The following FAM91A1 variants were observed in gnomAD, a reference collection of about 807,000 sequenced individuals.
The protein encoded by FAM91A1 is protein FAM91A1.
Under a neutral mutation model 113.5 loss-of-function variants are expected in FAM91A1, and 41 were observed. The observed-to-expected ratio is 0.36, with a 90% confidence interval of 0.28 to 0.47. The LOEUF (loss-of-function observed/expected upper bound fraction) is 0.47. Among genes scored for constraint, FAM91A1 ranks in the 20% least tolerant of loss-of-function variants. The pLI, the probability that FAM91A1 is intolerant of heterozygous loss-of-function variation, is 1.00. For missense variants in FAM91A1, 696 were observed against 1,001.2 expected (o/e 0.70, Z 4.11); for synonymous variants, 307 against 347.9 (o/e 0.88, Z 1.31).
At chr8:123,774,659 C>T (rs987546040) in intron 2 of FAM91A1, among the ~76,000 whole-genome samples, 2 of 151,804 alleles carry the variant, frequency 1.3e-5, no homozygotes, top group Admixed American at 1.3e-4. Flanking sequence ...GGTAGTCTTT[C>T]ACTCCTGTTT....
chr8:123,806,089 G>T lies in FAM91A1; in HGVS notation c.1892G>T (p.Arg631Leu), dbSNP rs776231887. 3 of 1,589,906 alleles carry T rather than the reference G, an allele frequency of 1.9e-6. No homozygotes were observed. The highest frequency in any genetic ancestry group is 1.3e-5 in the African/African-American group (1 of 74,542). Reference protein sequence around the residue: ...DETELQGEFTRVNMGVHKALQ... With the variant: ...DETELQGEFTLVNMGVHKALQ... ...TCCGTTCTGTTTGTAGAGTTCACTC[G>T]TGTCAATATGGGTGTTCATAAAGCA... The change falls in exon 20 of 24, where the codon CGT (arginine) becomes CTT (leucine). Residue 631 changes from arginine (R) to leucine (L), a missense_variant. Coordinates refer to ENST00000334705, the MANE Select transcript of FAM91A1 (RefSeq NM_144963.4).
intron 3 of FAM91A1, 116 bp downstream of exon 3, chr8:123,775,414 C>T (rs943935293): frequency 7.9e-7 from 1 of 1,265,532 alleles, no homozygotes; most frequent in Non-Finnish European, 1.1e-6. Context: ...TCTTTCAGAA[C>T]TTATAGTGTA....
chr8:123,812,703 A>T lies in FAM91A1; in HGVS notation c.2516A>T (p.Ter839LeuextTer39). The T allele has an allele frequency of 1.3e-6, 2 of 1,573,438 alleles. No individual in the cohort carries two copies. The highest frequency in any genetic ancestry group is 1.7e-6 in the Non-Finnish European group (2 of 1,163,652). Residue 839 changes from the stop codon to leucine, a stop_lost, in exon 24 of 24, where the codon TAA becomes TTA. Transcript: ENST00000334705. ...SLLIANLHLQ[*>L] is the part of the protein sequence containing the mutation. ...CTTATTGCTAATCTCCATTTGCAAT[A>T]ATTTGGTTACACCATTTGTTGCTCA... is the stretch of plus-strand genomic sequence containing the variant.
chr8:123,806,344 T>A (rs1815812075), intron 20 of FAM91A1, 115 bp downstream of exon 20: 1 of 1,129,064 alleles, frequency 8.9e-7, no homozygotes, highest in South Asian at 1.8e-5. Flanking sequence ...GAATACTCAA[T>A]ATTCTTTCAC....
chr8:123,798,752 T>C (rs938200863), intron 16 of FAM91A1, among the ~76,000 whole-genome samples: 1 of 152,144 alleles, frequency 6.6e-6, no homozygotes, highest in African/African-American at 2.4e-5. Context: ...ATTTTCAGAG[T>C]GGGGATTATG....
At chr8:123,812,276 C>G (rs1431487776) in intron 23 of FAM91A1, 1 of 331,258 alleles carries the variant, frequency 3.0e-6, no homozygotes, top group Non-Finnish European at 5.4e-6. Flanking sequence ...TTCCCACAGT[C>G]TCGTAGCCTC....
chr8:123,784,816 A>G (rs1015799173), intron 9 of FAM91A1: 5 of 423,688 alleles, frequency 1.2e-5, no homozygotes, highest in Admixed American at 8.5e-5. Flanking sequence ...ATTGTAGACT[A>G]TATTGATCTA....
intron 8 of FAM91A1, among the ~76,000 whole-genome samples, chr8:123,783,711 C>G (rs1028620508): frequency 6.6e-6 from 1 of 152,162 alleles, no homozygotes; most frequent in Non-Finnish European, 1.5e-5. Context: ...GGGAGAATGG[C>G]AAAGGAAAGC....
At chr8:123,784,616 T>C in intron 9 of FAM91A1, 40 bp downstream of exon 9, 22 of 1,445,010 alleles carry the variant, frequency 1.5e-5, no homozygotes, top group Non-Finnish European at 2.1e-5. Context: ...AATCTCAAGA[T>C]TGTAAGTTTG....
At position 123,776,441 on chromosome 8, in the gene FAM91A1, A is replaced by G. The variant is rs374602881; in HGVS notation, c.310-824A>G. ...CCTTCATGGGTGCTTCTGCAGTCCC[A>G]TGCATCCCGTGTTCCTCTTTTGGAG... is the stretch of plus-strand genomic sequence containing the variant. On this transcript the variant is annotated intron_variant, in intron 3 of 23. Coordinates refer to ENST00000334705, the MANE Select transcript of FAM91A1 (RefSeq NM_144963.4). Among the ~76,000 whole-genome samples the G allele has an allele frequency of 1.2e-3, 186 of 152,302 alleles. 5 individuals carry two copies. The South Asian group carries it at 0.035, about 29-fold the overall frequency.
At chr8:123,785,796 T>C (rs988778065) in intron 11 of FAM91A1, 55 bp downstream of exon 11, 1 of 891,138 alleles carries the variant, frequency 1.1e-6, no homozygotes, top group African/African-American at 1.8e-5. Flanking sequence ...AAAAGACATT[T>C]AATTTTACAT....
At chr8:123,780,145 A>G (rs1815085075) in intron 7 of FAM91A1, 70 bp downstream of exon 7, 3 of 1,289,542 alleles carry the variant, frequency 2.3e-6, no homozygotes, top group Non-Finnish European at 3.3e-6. Context: ...AATTACTAGC[A>G]ATTACTTATC....
intron 1 of FAM91A1, among the ~76,000 whole-genome samples, chr8:123,772,449 TTGATGCTAC>T (rs1438194030): frequency 6.6e-6 from 1 of 152,198 alleles, no homozygotes; most frequent in African/African-American, 2.4e-5. Context: ...GACCCTGGCA[TTGATGCTAC>T]GAAGAGGATG....
At chr8:123,811,990 G>A (rs1815967493) in intron 23 of FAM91A1, 1 of 152,348 alleles carries the variant, frequency 6.6e-6, no homozygotes, top group Admixed American at 6.5e-5. Context: ...TCCTGCCTCA[G>A]CCTCTTGAGT....
intron 9 of FAM91A1, chr8:123,784,845 AAT>A (rs1315519625): frequency 2.4e-6 from 1 of 409,672 alleles, no homozygotes; most frequent in African/African-American, 2.1e-5. Context: ...TTTTATTTTA[AAT>A]GAGACGAAAT....
intron 15 of FAM91A1, among the ~76,000 whole-genome samples, chr8:123,796,596 C>G (rs1399556455): frequency 6.6e-6 from 1 of 151,248 alleles, no homozygotes; most frequent in Non-Finnish European, 1.5e-5. Context: ...GTAGCTGGGA[C>G]TATGGGTACG....
chr8:123,777,330 TTTAA>T lies in FAM91A1; in HGVS notation c.367+11_367+14del, dbSNP rs1265672524. On this transcript the variant is annotated intron_variant, in intron 4 of 23. Coordinates refer to ENST00000334705, the MANE Select transcript of FAM91A1 (RefSeq NM_144963.4). ...ATTTTACTGCTGCTGACTGTAAGTA[TTTAA>T]TTGTGCTGAAGAAGGTAATGTTTAG... The T allele has an allele frequency of 1.2e-6, 2 of 1,611,050 alleles. No homozygotes were observed. The highest frequency in any genetic ancestry group is 1.7e-5 in the Admixed American group (1 of 59,808).
intron 13 of FAM91A1, 40 bp from the exon 14 acceptor site, chr8:123,787,622 AAG>A: frequency 6.7e-7 from 1 of 1,484,962 alleles, no homozygotes; most frequent in Non-Finnish European, 9.3e-7. Context: ...TTAGCATAAA[AAG>A]GGAGAAGTAG....
At chr8:123,781,002 A>G (rs143908975) in intron 8 of FAM91A1, among the ~76,000 whole-genome samples, 42 of 152,134 alleles carry the variant, frequency 2.8e-4, no homozygotes, top group Non-Finnish European at 5.9e-5. Flanking sequence ...AGCCTTGTAT[A>G]TTTGTCATAC....
Sources: allele counts gnomAD v4.1 joint callset (sites outside exome capture counted in the v4.1 genomes callset), GRCh38; gene constraint gnomAD v4.1.1; transcripts MANE v1.5; gene names NCBI Gene and HGNC (gene_info 2026-07-23, HGNC 2026-07-21).